The following PTBP3 variants were observed in gnomAD, a reference collection of about 807,000 sequenced individuals.
PTBP3 encodes polypyrimidine tract binding protein 3, also known as polypyrimidine tract-binding protein 3.
In PTBP3, 20 loss-of-function variants were observed where a neutral mutation model predicts 58.7. The observed-to-expected ratio is 0.34, with a 90% confidence interval of 0.24 to 0.50. The LOEUF (loss-of-function observed/expected upper bound fraction) is 0.50. Ranked by LOEUF, PTBP3 falls within the 20% of genes least tolerant of loss-of-function variation. The probability of loss-of-function intolerance (pLI) is 0.98; values close to 1 mark genes in which losing one functional copy is unlikely to be tolerated. For missense variants in PTBP3, 509 were observed against 637.2 expected (o/e 0.80, Z 2.17); for synonymous variants, 185 against 219.8 (o/e 0.84, Z 1.40).
intron 1 of PTBP3, among the ~76,000 whole-genome samples, chr9:112,315,654 T>C (rs1428362087): frequency 6.6e-6 from 1 of 152,184 alleles, no homozygotes; most frequent in East Asian, 1.9e-4. Context: ...CTGAATAACA[T>C]GGTTTTAAAA....
chr9:112,276,134 G>A, intron 2 of PTBP3, 121 bp from the exon 3 acceptor site: 1 of 778,216 alleles, frequency 1.3e-6, no homozygotes, highest in South Asian at 1.8e-5. Flanking sequence ...AGGGAAACGT[G>A]GGGCTGATGG....
intron 2 of PTBP3, among the ~76,000 whole-genome samples, chr9:112,290,848 C>G (rs1039600952): frequency 5.9e-5 from 9 of 151,724 alleles, no homozygotes; most frequent in African/African-American, 2.2e-4. Flanking sequence ...ACCTGCATAT[C>G]CTAGGACCCA....
upstream of PTBP3, among the ~76,000 whole-genome samples, chr9:112,335,787 T>C (rs1221306868): frequency 1.4e-5 from 2 of 147,512 alleles, no homozygotes; most frequent in African/African-American, 4.9e-5. Flanking sequence ...TAGTCTGGCT[T>C]GGTGGTGCAC....
At chr9:112,253,049 C>A (rs1836196002) in intron 5 of PTBP3, among the ~76,000 whole-genome samples, 1 of 152,132 alleles carries the variant, frequency 6.6e-6, no homozygotes, top group Admixed American at 6.5e-5. Context: ...TAGGAGACTA[C>A]AATAATCAAT....
intron 1 of PTBP3, chr9:112,332,673 C>G (rs1830423341): frequency 7.8e-7 from 1 of 1,289,176 alleles, no homozygotes; most frequent in South Asian, 1.7e-5. Context: ...CCCCAGAGAA[C>G]AGTTTATATA....
chr9:112,315,444 C>T (rs1829663700), intron 1 of PTBP3, among the ~76,000 whole-genome samples: 1 of 151,840 alleles, frequency 6.6e-6, no homozygotes, highest in Non-Finnish European at 1.5e-5. Flanking sequence ...AAAGCCCAGC[C>T]ATATCAAAAG....
the PTBP3 span, among the ~76,000 whole-genome samples, chr9:112,373,403 T>A: frequency 7.1e-3 from 1,084 of 152,312 alleles, 49 homozygotes; most frequent in Admixed American, 0.063. Flanking sequence ...TTCTGCCTGC[T>A]TTGTATTCAC....
Position 112,267,576 on chromosome 9 carries a change from A to G in PTBP3, c.351+473T>C, listed in dbSNP as rs371521547. Among the ~76,000 whole-genome samples, 26 of 152,360 alleles carry G rather than the reference A, an allele frequency of 1.7e-4. No individual in the cohort carries two copies. In the East Asian group the frequency reaches 2.3e-3, roughly 14 times the overall value. On this transcript the variant is annotated intron_variant, in intron 4 of 13. Transcript: ENST00000374257. ...ACACAAAAGACTCAACGTGTGCTAC[A>G]TCAAAATAACAGAAAAATGGGTAAG...
intron 1 of PTBP3, among the ~76,000 whole-genome samples, chr9:112,318,037 AATCCAAC>A (rs1381751849): frequency 1.3e-5 from 2 of 152,202 alleles, no homozygotes; most frequent in Non-Finnish European, 2.9e-5. Context: ...GAAAGATACA[AATCCAAC>A]ACCCATTAAT....
At chr9:112,334,620 G>T (rs1028434671), upstream of PTBP3, among the ~76,000 whole-genome samples, 1 of 152,158 alleles carries the variant, frequency 6.6e-6, no homozygotes, top group East Asian at 1.9e-4. Context: ...AAAGAGCGGG[G>T]CTCCTCCCCG....
chr9:112,281,294 C>A (rs926435402), intron 2 of PTBP3: 3 of 179,382 alleles, frequency 1.7e-5, no homozygotes, highest in Admixed American at 5.4e-5. Context: ...CCAACTATTG[C>A]TTACAATACT....
intron 4 of PTBP3, among the ~76,000 whole-genome samples, chr9:112,265,529 A>G (rs1836766209): frequency 6.6e-6 from 1 of 152,156 alleles, no homozygotes; most frequent in Admixed American, 6.5e-5. Context: ...CTCCAAAAAC[A>G]AACAAAAAAC....
intron 8 of PTBP3, 81 bp from the exon 9 acceptor site, chr9:112,232,319 G>C: frequency 7.5e-7 from 1 of 1,333,382 alleles, no homozygotes; most frequent in Non-Finnish European, 1.0e-6. Context: ...TAAATAAAGA[G>C]GAAAGGAAAA....
At chr9:112,298,538 C>A in intron 1 of PTBP3, 1 of 508,776 alleles carries the variant, frequency 2.0e-6, no homozygotes, top group East Asian at 5.6e-5. Context: ...TAAGATCTAC[C>A]ACCAACATTT....
chr9:112,378,984 C>T, the PTBP3 span, among the ~76,000 whole-genome samples: 1 of 152,150 alleles, frequency 6.6e-6, no homozygotes, highest in East Asian at 1.9e-4. Flanking sequence ...GTCAGGAGCT[C>T]GAGACCAGCC....
chr9:112,301,691 G>C (rs1242984413), intron 1 of PTBP3, among the ~76,000 whole-genome samples: 1 of 152,104 alleles, frequency 6.6e-6, no homozygotes, highest in Non-Finnish European at 1.5e-5. Context: ...TGTGATGGTA[G>C]TTATGTGAAT....
At chr9:112,364,284 C>CA in the PTBP3 span, among the ~76,000 whole-genome samples, 139 of 118,348 alleles carry the variant, frequency 1.2e-3, no homozygotes, top group Middle Eastern at 6.7e-3. Flanking sequence ...TTCAAGAAGA[C>CA]AAAAAAAAAG....
chr9:112,246,679 C>T (rs10981327), intron 7 of PTBP3, among the ~76,000 whole-genome samples: 82,809 of 147,582 alleles, frequency 0.56, 24,686 homozygotes, highest in African/African-American at 0.8. Flanking sequence ...GGCAACAGAG[C>T]GAGACTCTGT....
At chr9:112,379,408 T>A in the PTBP3 span, among the ~76,000 whole-genome samples, 2 of 152,240 alleles carry the variant, frequency 1.3e-5, no homozygotes, top group African/African-American at 2.4e-5. Context: ...AATGTCAGAA[T>A]TGATCTCATT....
Sources: allele counts gnomAD v4.1 joint callset (sites outside exome capture counted in the v4.1 genomes callset), GRCh38; gene constraint gnomAD v4.1.1; transcripts MANE v1.5; gene names NCBI Gene and HGNC (gene_info 2026-07-23, HGNC 2026-07-21).